Variants in PCDHA1 observed in about 807,000 individuals in gnomAD.
The protein encoded by PCDHA1 is protocadherin alpha-1.
Under a neutral mutation model 61.3 loss-of-function variants are expected in PCDHA1, and 42 were observed. The observed-to-expected ratio is 0.69, with a 90% CI of 0.54 to 0.89. The LOEUF (loss-of-function observed/expected upper bound fraction) is 0.89, where lower values mean the gene tolerates loss of function less well. Ranked by LOEUF, PCDHA1 falls within the 40% of genes least tolerant of loss-of-function variation. The pLI is 0.00. For synonymous variants in PCDHA1, 610 were observed against 553.8 expected, an observed-to-expected ratio of 1.10 and a Z score of -1.43; for missense variants, 1,256 against 1,235.3, an observed-to-expected ratio of 1.02 and a Z score of -0.25.
chr5:140,977,665 A>G (rs1554238741), intron 1 of PCDHA1, among the ~76,000 whole-genome samples: 1 of 152,202 alleles, frequency 6.6e-6, no homozygotes, highest in Non-Finnish European at 1.5e-5. Flanking sequence ...AATTCTCTGC[A>G]TGCCAAATAT....
At chr5:140,801,703 C>A in intron 1 of PCDHA1, 1 of 1,614,140 alleles carries the variant, frequency 6.2e-7, no homozygotes, top group Non-Finnish European at 8.5e-7. Context: ...TCGTTGTTGA[C>A]TTACAGTCTT....
intron 1 of PCDHA1, chr5:140,822,039 G>A: frequency 6.2e-7 from 1 of 1,614,224 alleles, no homozygotes; most frequent in South Asian, 1.1e-5. Flanking sequence ...TGAATTCTCG[G>A]ATCGACCGGG....
rs1581597933 is a variant in PCDHA1, at chr5:140,787,980, GC to G, written c.1691del (p.Ala564GlyfsTer87). The G allele has an allele frequency of 1.2e-6, 2 of 1,614,000 alleles. No homozygotes were observed. The highest frequency in any genetic ancestry group is 4.5e-5 in the East Asian group (2 of 44,886). The stretch of plus-strand genomic sequence containing the variant: ...GCTGGACGAGAACGACAACGCGCCG[GC>G]GCTGCTGGCGCCTCGAGTGGGTGGC... ...FVLDENDNAP[A>X]LLAPRVGGTI... On this transcript the variant is annotated frameshift_variant, in exon 1 of 4. Transcript: ENST00000504120. LOFTEE classifies it high-confidence loss of function.
intron 1 of PCDHA1, among the ~76,000 whole-genome samples, chr5:140,922,935 G>A (rs1484457119): frequency 6.6e-6 from 1 of 152,130 alleles, no homozygotes; most frequent in Non-Finnish European, 1.5e-5. Flanking sequence ...TTTACTTCCA[G>A]CAATGGAAAT....
chr5:140,802,184 AATGTCAG>A (rs1554121927), intron 1 of PCDHA1: 1 of 1,614,226 alleles, frequency 6.2e-7, no homozygotes. Context: ...GAAATCCCCC[AATGTCAG>A]ATCACTGCAC....
At chr5:140,876,762 G>T in intron 1 of PCDHA1, 1 of 1,614,252 alleles carries the variant, frequency 6.2e-7, no homozygotes, top group South Asian at 1.1e-5. Flanking sequence ...CGCGGGATGG[G>T]GGCTCGCCTT....
At chr5:140,958,905 A>G (rs1295198062) in intron 1 of PCDHA1, among the ~76,000 whole-genome samples, 1 of 149,390 alleles carries the variant, frequency 6.7e-6, no homozygotes, top group Non-Finnish European at 1.5e-5. Flanking sequence ...AGATACAGAA[A>G]AGTCTGCCTG....
intron 3 of PCDHA1, among the ~76,000 whole-genome samples, chr5:141,006,287 C>A (rs1407881243): frequency 6.6e-6 from 1 of 152,060 alleles, no homozygotes; most frequent in African/African-American, 2.4e-5. Flanking sequence ...TCTCAGCTCA[C>A]TGCAAGCTCC....
intron 1 of PCDHA1, chr5:140,828,129 G>A (rs2150151215): frequency 3.7e-6 from 6 of 1,613,446 alleles, no homozygotes; most frequent in Non-Finnish European, 5.1e-6. Flanking sequence ...GGAAAGCAAT[G>A]TCTGCTCCTC....
At chr5:140,980,515 A>G (rs779201653) in intron 2 of PCDHA1, among the ~76,000 whole-genome samples, 18 of 152,182 alleles carry the variant, frequency 1.2e-4, no homozygotes, top group Non-Finnish European at 2.5e-4. Flanking sequence ...CTGTAGTTCC[A>G]GCTACTAGGG....
rs782516629 is a variant in PCDHA1, at chr5:140,876,277, C to G, written c.2394+87593C>G. 5 of 1,613,988 alleles carry G rather than the reference C, an allele frequency of 3.1e-6. No homozygotes were observed. The highest frequency in any genetic ancestry group is 2.2e-5 in the East Asian group (1 of 44,886). Reference sequence around the variant, plus strand: ...AGTGATCCAACTAAATGCTTCCGATCCAGACGAAGGACTTAATGGAGAAAT... The same window carrying G: ...AGTGATCCAACTAAATGCTTCCGATGCAGACGAAGGACTTAATGGAGAAAT... On this transcript the variant is annotated intron_variant, in intron 1 of 3. Transcript: ENST00000504120.
chr5:140,853,855 T>A, intron 1 of PCDHA1: 1 of 985,872 alleles, frequency 1.0e-6, no homozygotes, highest in Non-Finnish European at 1.2e-6. Flanking sequence ...TAGCCCTATT[T>A]GATACTTGAC....
chr5:140,917,417 C>T (rs1163543772), intron 1 of PCDHA1, among the ~76,000 whole-genome samples: 1 of 152,082 alleles, frequency 6.6e-6, no homozygotes, highest in African/African-American at 2.4e-5. Flanking sequence ...TAATTAGGCC[C>T]CATTTGCCAA....
At chr5:140,976,330 T>C (rs139191853) in intron 1 of PCDHA1, among the ~76,000 whole-genome samples, 1 of 152,088 alleles carries the variant, frequency 6.6e-6, no homozygotes, top group Non-Finnish European at 1.5e-5. Flanking sequence ...GAGGGTGGAT[T>C]GCCTGAGGTC....
chr5:140,988,445 A>G (rs1554250148), intron 3 of PCDHA1, among the ~76,000 whole-genome samples: 2 of 152,168 alleles, frequency 1.3e-5, no homozygotes, highest in African/African-American at 2.4e-5. Context: ...ATTGACCTGA[A>G]GGGAGGAAGC....
At position 140,978,970 on chromosome 5, in the gene PCDHA1, T is replaced by A; in HGVS notation, c.2416T>A (p.Trp806Arg). The change falls in exon 2 of 4, where the codon TGG (tryptophan) becomes AGG (arginine). Residue 806 changes from tryptophan to arginine, a missense_variant. Coordinates refer to ENST00000504120, the MANE Select transcript of PCDHA1 (RefSeq NM_018900.4). ...SGNPRQPNPD[W>R]RYSASLRAGM... is the part of the protein sequence containing the mutation. Reference sequence around the variant, plus strand: ...GCAGCCACGACAGCCCAACCCTGACTGGCGTTACTCTGCCTCCCTGAGAGC... The same window carrying A: ...GCAGCCACGACAGCCCAACCCTGACAGGCGTTACTCTGCCTCCCTGAGAGC... 6.2e-7 allele frequency: 1 copy of A among 1,614,216 alleles called. No homozygotes were observed. Among genetic ancestry groups the A allele is most frequent in the Admixed American group, 1.7e-5 (1 of 60,030 alleles).
Position 140,787,465 on chromosome 5 carries a change from A to T in PCDHA1, c.1175A>T (p.His392Leu). The change falls in exon 1 of 4, where the codon CAC becomes CTC. Residue 392 changes from histidine to leucine, a missense_variant. Physicochemically the swap from His to Leu is moderately conservative, Grantham distance 99. Coordinates refer to ENST00000504120, the MANE Select transcript of PCDHA1 (RefSeq NM_018900.4). The part of the protein sequence containing the change: ...NGQVTCSLMP[H>L]VPFKLVSTFK... The stretch of plus-strand genomic sequence containing the variant: ...CAGGTGACTTGCTCCTTAATGCCCC[A>T]CGTCCCCTTCAAGCTGGTGTCCACC... 1.2e-6 allele frequency: 2 copies of T among 1,614,164 alleles called. No homozygotes were observed. The highest frequency in any genetic ancestry group is 1.1e-5 in the South Asian group (1 of 91,088).
In PCDHA1 at chr5:140,797,084, T is replaced by C. The variant is rs139680439; in HGVS notation, c.2394+8400T>C. The C allele has an allele frequency of 3.9e-5, 63 of 1,613,900 alleles. 1 individual carries two copies. The African/African-American group carries it at 7.7e-4, about 20-fold the overall frequency. On this transcript the variant is annotated intron_variant, in intron 1 of 3. Coordinates refer to ENST00000504120, the MANE Select transcript of PCDHA1 (RefSeq NM_018900.4). Reference sequence around the variant, plus strand: ...TACCTGATCATCGCCATCTGCGCGGTATCCAGCCTGTTGGTGCTCACGGTG... The same window carrying C: ...TACCTGATCATCGCCATCTGCGCGGCATCCAGCCTGTTGGTGCTCACGGTG...
chr5:140,787,100 C>A lies in PCDHA1; in HGVS notation c.810C>A (p.Asp270Glu). 6.2e-7 allele frequency: 1 copy of A among 1,614,128 alleles called. No individual in the cohort carries two copies. Residue 270 changes from aspartate to glutamate, a missense_variant, in exon 1 of 4, where the codon GAC becomes GAA. By Grantham distance (45) the Asp-to-Glu change is conservative. Coordinates refer to ENST00000504120, the MANE Select transcript of PCDHA1 (RefSeq NM_018900.4). Reference sequence around the variant, plus strand: ...CCACATTAAATGCCTCTGATGCTGACGAAGGTGTAAATGGTGAAGTCGTCT... The same window carrying A: ...CCACATTAAATGCCTCTGATGCTGAAGAAGGTGTAAATGGTGAAGTCGTCT... ...LVTTLNASDA[D>E]EGVNGEVVFS...
Sources: allele counts gnomAD v4.1 joint callset (sites outside exome capture counted in the v4.1 genomes callset), GRCh38; gene constraint gnomAD v4.1.1; transcripts MANE v1.5; gene names NCBI Gene and HGNC (gene_info 2026-07-23, HGNC 2026-07-21).